The following DTWD2 variants were observed in gnomAD, a reference collection of about 807,000 sequenced individuals.
DTWD2 encodes tRNA-uridine aminocarboxypropyltransferase 2.
Under a neutral mutation model 31.8 loss-of-function variants are expected in DTWD2, and 39 were observed. The observed-to-expected ratio is 1.22, with a 90% CI of 0.95 to 1.60. The LOEUF (loss-of-function observed/expected upper bound fraction) is 1.60. DTWD2 is among the 40% of genes most tolerant of loss of function. The pLI is 0.00. For missense variants in DTWD2, 515 were observed against 381.5 expected (o/e 1.35, Z -2.92); for synonymous variants, 180 against 142.8 (o/e 1.26, Z -1.86).
intron 4 of DTWD2, among the ~76,000 whole-genome samples, chr5:118,924,519 G>T (rs1190737585): frequency 6.6e-6 from 1 of 152,174 alleles, no homozygotes; most frequent in African/African-American, 2.4e-5. Context: ...CCCTAGGAAA[G>T]CCTATTATGT....
At chr5:118,974,087 G>C (rs1186051049) in intron 1 of DTWD2, 2 of 1,601,048 alleles carry the variant, frequency 1.2e-6, no homozygotes, top group East Asian at 2.2e-5. Flanking sequence ...GGATGACGAT[G>C]TCGATACCAA....
chr5:118,898,253 T>C (rs1344664597), intron 4 of DTWD2, among the ~76,000 whole-genome samples: 1 of 152,176 alleles, frequency 6.6e-6, no homozygotes, highest in African/African-American at 2.4e-5. Context: ...CTGAAGAAAC[T>C]ATATTACACC....
At chr5:118,933,164 C>T (rs1309379659) in intron 3 of DTWD2, among the ~76,000 whole-genome samples, 1 of 152,010 alleles carries the variant, frequency 6.6e-6, no homozygotes, top group Non-Finnish European at 1.5e-5. Flanking sequence ...GAAATTGAAT[C>T]GATAATTAAT....
chr5:118,985,448 A>G lies in DTWD2; in HGVS notation c.218+2846T>C, dbSNP rs572008847. 3.2e-3 allele frequency among the ~76,000 whole-genome samples: 478 copies of G among 148,224 alleles called. 2 individuals carry two copies. The highest frequency in any genetic ancestry group is 0.011 in the African/African-American group (467 of 40,980). On this transcript the variant is annotated intron_variant, in intron 1 of 5. Coordinates refer to ENST00000510708, the MANE Select transcript of DTWD2 (RefSeq NM_173666.4). ...CCCATCTAAGAAAGAAGCTGATAGTATAGAATTCAACAAGAAAAAGACCAC... is the reference window on the plus strand; with the variant it reads ...CCCATCTAAGAAAGAAGCTGATAGTGTAGAATTCAACAAGAAAAAGACCAC...
At chr5:118,890,562 CTTTTTT>C (rs973397760) in intron 4 of DTWD2, among the ~76,000 whole-genome samples, 56 of 71,256 alleles carry the variant, frequency 7.9e-4, no homozygotes, top group African/African-American at 1.8e-3. Flanking sequence ...TTAGGTTTTC[CTTTTTT>C]TTTTTTTTTT....
At chr5:118,976,067 G>C (rs1402913583) in intron 1 of DTWD2, among the ~76,000 whole-genome samples, 1 of 152,148 alleles carries the variant, frequency 6.6e-6, no homozygotes, top group Admixed American at 6.5e-5. Context: ...CACGGAAACT[G>C]AACAACCTGC....
intron 1 of DTWD2, among the ~76,000 whole-genome samples, chr5:118,979,672 A>G (rs1000621772): frequency 6.6e-6 from 1 of 152,276 alleles, no homozygotes; most frequent in Non-Finnish European, 1.5e-5. Flanking sequence ...CTATGCAGCC[A>G]TAAGGAATGA....
intron 2 of DTWD2, among the ~76,000 whole-genome samples, chr5:118,942,486 A>T (rs1754228848): frequency 6.6e-6 from 1 of 152,092 alleles, no homozygotes; most frequent in Non-Finnish European, 1.5e-5. Context: ...AATGGTCAAA[A>T]ATAAATTAAA....
chr5:118,906,017 A>G (rs1753325545), intron 4 of DTWD2, among the ~76,000 whole-genome samples: 1 of 152,204 alleles, frequency 6.6e-6, no homozygotes, highest in African/African-American at 2.4e-5. Context: ...GTTAACAAGA[A>G]AACAAAACAA....
intron 4 of DTWD2, among the ~76,000 whole-genome samples, chr5:118,889,398 T>A (rs1752932321): frequency 6.6e-6 from 1 of 152,062 alleles, no homozygotes; most frequent in Non-Finnish European, 1.5e-5. Flanking sequence ...CATTCAGACA[T>A]GAAATTCGAG....
At chr5:118,857,201 A>G (rs1281712857) in intron 4 of DTWD2, among the ~76,000 whole-genome samples, 1 of 152,106 alleles carries the variant, frequency 6.6e-6, no homozygotes, top group Non-Finnish European at 1.5e-5. Context: ...CACTAACTAG[A>G]TGAGTGAACT....
intron 1 of DTWD2, among the ~76,000 whole-genome samples, chr5:118,979,235 CAGAGCTTGCAGTGAGCAA>C (rs1291280971): frequency 1.3e-5 from 2 of 151,894 alleles, no homozygotes; most frequent in Non-Finnish European, 2.9e-5. Flanking sequence ...ACCCAGGAGG[CAGAGCTTGCAGTGAGCAA>C]AGACTGTGCC....
At chr5:118,976,036 T>C (rs1010258117) in intron 1 of DTWD2, among the ~76,000 whole-genome samples, 1 of 152,116 alleles carries the variant, frequency 6.6e-6, no homozygotes, top group Admixed American at 6.5e-5. Flanking sequence ...ATTAAGAAAC[T>C]CACTCAAAAC....
intron 4 of DTWD2, among the ~76,000 whole-genome samples, chr5:118,864,690 A>G (rs1310680455): frequency 6.6e-6 from 1 of 150,744 alleles, no homozygotes; most frequent in Non-Finnish European, 1.5e-5. Context: ...GTGTTAGGGT[A>G]CATGTGTGTG....
intron 1 of DTWD2, among the ~76,000 whole-genome samples, chr5:118,953,563 G>A (rs1343087115): frequency 6.6e-6 from 1 of 152,140 alleles, no homozygotes; most frequent in Admixed American, 6.5e-5. Context: ...ATTGCATATG[G>A]ACTAGAGACC....
intron 4 of DTWD2, among the ~76,000 whole-genome samples, chr5:118,867,293 G>GA (rs1752400273): frequency 6.6e-6 from 1 of 151,048 alleles, no homozygotes; most frequent in Non-Finnish European, 1.5e-5. Flanking sequence ...TGATCAAAAG[G>GA]AAAAAATTAA....
chr5:118,853,337 T>C (rs964773165), intron 4 of DTWD2, among the ~76,000 whole-genome samples: 7 of 152,200 alleles, frequency 4.6e-5, no homozygotes, highest in East Asian at 1.9e-4. Flanking sequence ...GAAATTAGTT[T>C]AGAGATTTCT....
At chr5:118,973,219 C>G (rs553979790) in intron 1 of DTWD2, among the ~76,000 whole-genome samples, 1 of 152,062 alleles carries the variant, frequency 6.6e-6, no homozygotes, top group Non-Finnish European at 1.5e-5. Flanking sequence ...ATTTGCCAGT[C>G]TGTGTCTTTT....
chr5:118,973,789 C>T, intron 1 of DTWD2: 2 of 1,611,514 alleles, frequency 1.2e-6, no homozygotes, highest in South Asian at 1.1e-5. Flanking sequence ...CACCGGCGTG[C>T]CCCACCATGT....
Sources: gnomAD v4.1 joint callset for allele counts (sites outside exome capture counted in the v4.1 genomes callset) on GRCh38, gnomAD v4.1.1 for gene constraint, MANE v1.5 for transcripts, NCBI Gene and HGNC (gene_info 2026-07-23, HGNC 2026-07-21) for gene names.